Variants in CACNA1H observed in about 807,000 individuals in gnomAD.
CACNA1H encodes the protein voltage-dependent T-type calcium channel subunit alpha-1H.
In CACNA1H, 149 loss-of-function variants were observed where a neutral mutation model predicts 192.5. The ratio of observed to expected loss-of-function variants is 0.77; its 90% CI spans 0.68 to 0.89. The LOEUF is 0.89. Ranked by LOEUF, CACNA1H falls within the 40% of genes least tolerant of loss-of-function variation. The pLI, the probability that CACNA1H is intolerant of heterozygous loss-of-function variation, is 0.00. For missense variants in CACNA1H, 4,257 were observed against 3,423.5 expected, an observed-to-expected ratio of 1.24 and a Z score of -6.08; for synonymous variants, 2,202 against 1,475.2, an observed-to-expected ratio of 1.49 and a Z score of -11.29.
chr16:1,168,019 CCTT>C (rs1449690594), intron 2 of CACNA1H, among the ~76,000 whole-genome samples: 1 of 152,182 alleles, frequency 6.6e-6, no homozygotes, highest in Non-Finnish European at 1.5e-5. Context: ...CTGCCCTAGG[CCTT>C]CGAGTTGGGG....
chr16:1,201,346 A>T (rs1250167975), intron 8 of CACNA1H, among the ~76,000 whole-genome samples: 1 of 152,054 alleles, frequency 6.6e-6, no homozygotes, highest in Admixed American at 6.5e-5. Flanking sequence ...GGTGCTGGGG[A>T]GGGGAGAGTG....
rs998564497 is a variant in CACNA1H, at chr16:1,215,017, G to A, written c.4975G>A (p.Val1659Met). The change falls in exon 28 of 35, where the codon GTG becomes ATG. Residue 1659 changes from valine to methionine, a missense_variant. By Grantham distance (21) the Val-to-Met change is conservative (BLOSUM62 1). Transcript: ENST00000348261. ...GTACTGCAACTACGTCTTCACCATC[G>A]TGTTTGTCTTCGAGGCTGCACTGAA... is the stretch of plus-strand genomic sequence containing the variant. ...LKYCNYVFTIVFVFEAALKLV... is the reference protein window; with the variant it reads ...LKYCNYVFTIMFVFEAALKLV... The A allele has an allele frequency of 6.8e-6, 11 of 1,612,828 alleles. No homozygotes were observed. The highest frequency in any genetic ancestry group is 2.2e-5 in the East Asian group (1 of 44,850).
intron 2 of CACNA1H, among the ~76,000 whole-genome samples, chr16:1,190,292 G>A (rs1966484512): frequency 1.3e-5 from 2 of 152,250 alleles, no homozygotes; most frequent in Non-Finnish European, 2.9e-5. Flanking sequence ...GAAATCTAAA[G>A]GAATTTTTAA....
intron 5 of CACNA1H, among the ~76,000 whole-genome samples, chr16:1,197,582 C>T (rs939640285): frequency 6.6e-6 from 1 of 152,350 alleles, no homozygotes; most frequent in South Asian, 2.1e-4. Context: ...GTTCTGTTGG[C>T]TAGGGGTCCA....
intron 2 of CACNA1H, among the ~76,000 whole-genome samples, chr16:1,171,477 A>C (rs1964362226): frequency 6.6e-6 from 1 of 152,142 alleles, no homozygotes; most frequent in Non-Finnish European, 1.5e-5. Flanking sequence ...TGGAGCCCGG[A>C]GGAGGCCCGC....
chr16:1,205,989 T>C (rs532492979), intron 11 of CACNA1H, 115 bp from the exon 12 acceptor site: 11 of 935,260 alleles, frequency 1.2e-5, no homozygotes, highest in African/African-American at 1.7e-5. Context: ...CTCCCATCTG[T>C]GGGATGCAGC....
At chr16:1,201,225 G>A (rs748741462) in intron 8 of CACNA1H, among the ~76,000 whole-genome samples, 8 of 152,168 alleles carry the variant, frequency 5.3e-5, no homozygotes, top group Non-Finnish European at 8.8e-5. Context: ...CGGGGACCTA[G>A]TAGGTAACAG....
intron 2 of CACNA1H, among the ~76,000 whole-genome samples, chr16:1,175,197 C>T (rs1235176124): frequency 1.3e-5 from 2 of 152,142 alleles, no homozygotes; most frequent in Admixed American, 6.5e-5. Flanking sequence ...ACGTGAGGCC[C>T]TACTGTGCGC....
In CACNA1H at chr16:1,200,096, C is replaced by G. The variant is rs114319122; in HGVS notation, c.804-160C>G. Among the ~76,000 whole-genome samples, 3,575 of 152,188 alleles carry G rather than the reference C, an allele frequency of 0.023. 103 individuals carry two copies. Among genetic ancestry groups the G allele is most frequent in the African/African-American group, 0.067 (2,772 of 41,490 alleles). Reference sequence around the variant, plus strand: ...CTTGACCCTCAGTCCTATCATGCCCCCTGACCCTAACCGTGCCTCCCTAAC... The same window carrying G: ...CTTGACCCTCAGTCCTATCATGCCCGCTGACCCTAACCGTGCCTCCCTAAC... On this transcript the variant is annotated intron_variant, in intron 6 of 34. Coordinates refer to ENST00000348261, the MANE Select transcript of CACNA1H (RefSeq NM_021098.3).
chr16:1,198,967 A>ACGGT (rs1967355096), intron 6 of CACNA1H, 193 bp downstream of exon 6: 3 of 455,000 alleles, frequency 6.6e-6, no homozygotes, highest in Non-Finnish European at 7.3e-6. Flanking sequence ...GGCTCCGCCC[A>ACGGT]GCTGGCAGTC....
intron 2 of CACNA1H, among the ~76,000 whole-genome samples, chr16:1,186,360 C>T (rs971054543): frequency 1.1e-4 from 16 of 152,026 alleles, no homozygotes; most frequent in African/African-American, 3.6e-4. Context: ...CGTGACCGCA[C>T]AGGCCCAGAT....
In CACNA1H at chr16:1,209,314, G is replaced by C; in HGVS notation, c.3646G>C (p.Asp1216His). Residue 1216 changes from aspartate to histidine, a missense_variant, in exon 17 of 35, where the codon GAT becomes CAT. Transcript: ENST00000348261. ...CGCCCTCCCGCCTACCAAGTGCCGC[G>C]ATCGCGACGGGCAGGTGGTGGCCCT... ...PAALPPTKCR[D>H]RDGQVVALPS... The C allele has an allele frequency of 6.3e-7, 1 of 1,597,302 alleles. No individual in the cohort carries two copies. Among genetic ancestry groups the C allele is most frequent in the Non-Finnish European group, 8.5e-7 (1 of 1,178,856 alleles).
intron 2 of CACNA1H, among the ~76,000 whole-genome samples, chr16:1,160,328 T>A (rs1963026954): frequency 6.6e-6 from 1 of 152,194 alleles, no homozygotes; most frequent in Non-Finnish European, 1.5e-5. Context: ...AGGTTGAATT[T>A]CCAGGGTGGA....
At chr16:1,166,871 G>A (rs539146320) in intron 2 of CACNA1H, among the ~76,000 whole-genome samples, 61 of 152,272 alleles carry the variant, frequency 4.0e-4, no homozygotes, top group African/African-American at 1.4e-3. Context: ...TGTTCATGGC[G>A]CTGCCGGGCC....
At chr16:1,212,222 G>T in intron 25 of CACNA1H, 84 bp downstream of exon 25, 3 of 1,486,864 alleles carry the variant, frequency 2.0e-6, no homozygotes, top group Non-Finnish European at 2.7e-6. Context: ...CTCCCGCCCC[G>T]GCCTCCCCGA....
intron 2 of CACNA1H, among the ~76,000 whole-genome samples, chr16:1,184,694 A>G (rs1359569471): frequency 1.3e-5 from 2 of 152,232 alleles, no homozygotes; most frequent in Non-Finnish European, 2.9e-5. Flanking sequence ...AGTGGAGGCC[A>G]CGTGGCAGGA....
rs571144713 is a variant in CACNA1H, at chr16:1,198,850, C to T, written c.803+76C>T. On this transcript the variant is annotated intron_variant, in intron 6 of 34. Transcript: ENST00000348261. ...CATGCAGATAACGCACCATGTGGCT[C>T]CACCGCCCCACGTGGCTCTGCCCAC... The T allele has an allele frequency of 6.4e-6, 9 of 1,405,998 alleles. No homozygotes were observed. The East Asian group carries it at 1.5e-4, about 23-fold the overall frequency. The allele number at this position is 1,405,998 out of a possible 1,614,324, so 87.1% of individuals were successfully genotyped here. A position where few individuals can be genotyped will look rare whatever the true frequency, so the allele number is the denominator to read the frequency against.
chr16:1,181,208 G>T (rs1356233155), intron 2 of CACNA1H, among the ~76,000 whole-genome samples: 1 of 152,236 alleles, frequency 6.6e-6, no homozygotes, highest in African/African-American at 2.4e-5. Context: ...TCCAAGCCTG[G>T]GGGCCCGCAG....
intron 26 of CACNA1H, among the ~76,000 whole-genome samples, chr16:1,213,319 C>T (rs959928425): frequency 6.6e-6 from 1 of 152,176 alleles, no homozygotes; most frequent in African/African-American, 2.4e-5. Context: ...AGTGTCTCAG[C>T]CTGAGGCCAG....
Sources: allele counts gnomAD v4.1 joint callset (sites outside exome capture counted in the v4.1 genomes callset), GRCh38; gene constraint gnomAD v4.1.1; transcripts MANE v1.5; gene names NCBI Gene and HGNC (gene_info 2026-07-23, HGNC 2026-07-21).